PRKAA1: variants seen among roughly 807,000 people sequenced by gnomAD.
The protein encoded by PRKAA1 is protein kinase AMP-activated catalytic subunit alpha 1.
In PRKAA1, 23 loss-of-function variants were observed where a neutral mutation model predicts 56.9. That is an observed-to-expected ratio of 0.40 (90% CI 0.29 to 0.57). PRKAA1 has a LOEUF of 0.57. PRKAA1 is among the 20% of genes least tolerant of loss of function. The pLI, the probability that PRKAA1 is intolerant of heterozygous loss-of-function variation, is 0.39. For missense variants in PRKAA1, 413 were observed against 679.7 expected (o/e 0.61, Z 4.36); for synonymous variants, 226 against 227.0 (o/e 1.00, Z 0.04).
intron 3 of PRKAA1, among the ~76,000 whole-genome samples, chr5:40,774,335 A>C (rs1020739236): frequency 1.2e-4 from 19 of 152,364 alleles, no homozygotes; most frequent in African/African-American, 4.6e-4. Flanking sequence ...AGACTAGGTT[A>C]TTATATCTGT....
rs1287089103 is a variant in PRKAA1 at position 40,760,467 on chromosome 5, C to T, written c.*2311G>A. ...GCGTATATAGCGCCATTACTTAATT[C>T]CATATACAAATTTGTAACTTTAAAA... On this transcript the variant is annotated 3_prime_UTR_variant, in exon 9 of 9. Transcript: ENST00000397128. 1.3e-5 allele frequency: 2 copies of T among 152,690 alleles called. No individual in the cohort carries two copies. The highest frequency in any genetic ancestry group is 1.3e-4 in the Admixed American group (2 of 15,272). 9.5% of individuals were successfully genotyped at this position (152,690 alleles called of 1,614,324 possible). A position where few individuals can be genotyped will look rare whatever the true frequency, so the allele number is the denominator to read the frequency against.
intron 8 of PRKAA1, among the ~76,000 whole-genome samples, chr5:40,763,255 T>C (rs1349071577): frequency 6.6e-6 from 1 of 152,186 alleles, no homozygotes; most frequent in African/African-American, 2.4e-5. Flanking sequence ...TAGCTACTCA[T>C]CAGTTGCAAT....
Position 40,759,560 on chromosome 5 carries a change from G to A in PRKAA1, c.*3218C>T, listed in dbSNP as rs145077370. On this transcript the variant is annotated 3_prime_UTR_variant, in exon 9 of 9. Coordinates refer to ENST00000397128, the MANE Select transcript of PRKAA1 (RefSeq NM_006251.6). ...TTCATTCTTGTCAGAACTCACAATG[G>A]AAATAAAATTTCTATTATGGGTGAG... The A allele has an allele frequency of 6.6e-6, 1 of 152,296 alleles. No homozygotes were observed. The highest frequency in any genetic ancestry group is 6.5e-5 in the Admixed American group (1 of 15,268). The allele number at this position is 152,296 out of a possible 1,614,324, so 9.4% of individuals were successfully genotyped here.
intron 1 of PRKAA1, among the ~76,000 whole-genome samples, chr5:40,787,599 G>T (rs550824765): frequency 1.3e-5 from 2 of 152,186 alleles, no homozygotes; most frequent in South Asian, 4.2e-4. Context: ...TAGAATGTGT[G>T]TATGTGATCA....
chr5:40,789,355 G>T (rs1473610447), intron 1 of PRKAA1, among the ~76,000 whole-genome samples: 1 of 152,148 alleles, frequency 6.6e-6, no homozygotes, highest in Non-Finnish European at 1.5e-5. Context: ...TATCAAAAAG[G>T]TGAAAGATAA....
At chr5:40,771,642 G>C in intron 4 of PRKAA1, 77 bp downstream of exon 4, 1 of 1,408,138 alleles carries the variant, frequency 7.1e-7, no homozygotes. Context: ...ACAGTTATCT[G>C]AAGAATTCTA....
In PRKAA1 at chr5:40,784,180, T is replaced by C. The variant is rs148816109; in HGVS notation, c.128-6594A>G. Among the ~76,000 whole-genome samples, 990 of 152,340 alleles carry C rather than the reference T, an allele frequency of 6.5e-3. 16 individuals carry two copies. The highest frequency in any genetic ancestry group is 0.052 in the South Asian group (249 of 4,828). On this transcript the variant is annotated intron_variant, in intron 1 of 8. Coordinates refer to ENST00000397128, the MANE Select transcript of PRKAA1 (RefSeq NM_006251.6). ...TCCCAGACCTGTTCCCCCATCTGTA[T>C]CTAATCAGCCCTGAATTATTTGTTT...
intron 5 of PRKAA1, 101 bp downstream of exon 5, chr5:40,769,315 T>C: frequency 1.1e-6 from 1 of 938,584 alleles, no homozygotes; most frequent in Middle Eastern, 2.7e-4. Context: ...CTTATCTTTC[T>C]TTCCTTTCAT....
chr5:40,797,628 A>ACGCCAAGGAC (rs1289265187), intron 1 of PRKAA1, among the ~76,000 whole-genome samples: 16 of 152,356 alleles, frequency 1.1e-4, no homozygotes, highest in Non-Finnish European at 1.9e-4. Context: ...AATACCGACA[A>ACGCCAAGGAC]CGCCAAGGAC....
At chr5:40,791,987 A>G (rs940737370) in intron 1 of PRKAA1, among the ~76,000 whole-genome samples, 2 of 152,232 alleles carry the variant, frequency 1.3e-5, no homozygotes, top group Non-Finnish European at 2.9e-5. Context: ...TACAAATGTC[A>G]TTGCATATAT....
Position 40,762,721 on chromosome 5 carries a change from G to C in PRKAA1, c.*57C>G, listed in dbSNP as rs1743245953. 6.3e-7 allele frequency: 1 copy of C among 1,591,374 alleles called. No homozygotes were observed. The highest frequency in any genetic ancestry group is 1.3e-5 in the African/African-American group (1 of 74,236). On this transcript the variant is annotated 3_prime_UTR_variant, in exon 9 of 9. Transcript: ENST00000397128. ...AACTTGATTACAAATGGAAGCATTT[G>C]GCTGTGACTTATTATGCATGCTTAT...
intron 5 of PRKAA1, among the ~76,000 whole-genome samples, chr5:40,767,921 G>A (rs893267137): frequency 3.9e-5 from 6 of 152,178 alleles, no homozygotes. Context: ...ATTTACTATG[G>A]CCCTGATGGG....
At chr5:40,789,318 T>C (rs1744621885) in intron 1 of PRKAA1, among the ~76,000 whole-genome samples, 1 of 152,164 alleles carries the variant, frequency 6.6e-6, no homozygotes, top group Non-Finnish European at 1.5e-5. Context: ...CAATAAGGTA[T>C]CACCTCACAC....
At position 40,769,523 on chromosome 5, in the gene PRKAA1, G is replaced by T; in HGVS notation, c.509-20C>A. 6.4e-7 allele frequency: 1 copy of T among 1,562,508 alleles called. No individual in the cohort carries two copies. Among genetic ancestry groups the T allele is most frequent in the Non-Finnish European group, 8.7e-7 (1 of 1,143,734 alleles). ...AAAGACCTGAAAGTGCACAAAATCA[G>T]CTACTCAAAAGATTTCCCAAAGACA... On this transcript the variant is annotated intron_variant, in intron 4 of 8. Coordinates refer to ENST00000397128, the MANE Select transcript of PRKAA1 (RefSeq NM_006251.6).
intron 5 of PRKAA1, 79 bp downstream of exon 5, chr5:40,769,337 A>G: frequency 2.7e-6 from 3 of 1,102,034 alleles, no homozygotes; most frequent in Non-Finnish European, 4.0e-6. Context: ...AGAATTAAAT[A>G]TGACACTATA....
intron 1 of PRKAA1, among the ~76,000 whole-genome samples, chr5:40,790,579 C>G (rs183941279): frequency 2.6e-3 from 378 of 148,228 alleles, no homozygotes; most frequent in African/African-American, 9.1e-3. Context: ...CTCGCTCTGT[C>G]GCCAGGCTGG....
At chr5:40,791,800 A>T (rs1439784598) in intron 1 of PRKAA1, among the ~76,000 whole-genome samples, 1 of 152,196 alleles carries the variant, frequency 6.6e-6, no homozygotes, top group Non-Finnish European at 1.5e-5. Context: ...TAAGCAATAA[A>T]ACATTACAAA....
Position 40,760,557 on chromosome 5 carries a change from T to A in PRKAA1, c.*2221A>T, listed in dbSNP as rs1743140232. 1 of 152,638 alleles carries A rather than the reference T, an allele frequency of 6.6e-6. No individual in the cohort carries two copies. The allele number at this position is 152,638 out of a possible 1,614,324, so 9.5% of individuals were successfully genotyped here. A position where few individuals can be genotyped will look rare whatever the true frequency, so the allele number is the denominator to read the frequency against. ...TTAGAGACCCTAAGTAAAATTAGAA[T>A]CCCCTAAAGAGAGGGCCACATAAAA... On this transcript the variant is annotated 3_prime_UTR_variant, in exon 9 of 9. Coordinates refer to ENST00000397128, the MANE Select transcript of PRKAA1 (RefSeq NM_006251.6).
intron 1 of PRKAA1, among the ~76,000 whole-genome samples, chr5:40,779,900 A>G (rs1225291215): frequency 7.0e-6 from 1 of 142,062 alleles, no homozygotes; most frequent in African/African-American, 2.5e-5. Flanking sequence ...TATGCAAAAA[A>G]AAAGTGCATA....
Sources: allele counts gnomAD v4.1 joint callset (sites outside exome capture counted in the v4.1 genomes callset), GRCh38; gene constraint gnomAD v4.1.1; transcripts MANE v1.5; gene names NCBI Gene and HGNC (gene_info 2026-07-23, HGNC 2026-07-21).